Variants in ZNF385D observed in about 807,000 individuals in gnomAD.
ZNF385D encodes the protein zinc finger protein 659.
ZNF385D carries 15 observed loss-of-function variants against 35.8 expected under a neutral mutation model. That is an observed-to-expected ratio of 0.42 (90% CI 0.28 to 0.64). The LOEUF (loss-of-function observed/expected upper bound fraction) is 0.64. Among genes scored for constraint, ZNF385D ranks in the 30% least tolerant of loss-of-function variants. ZNF385D has a pLI of 0.23. For missense variants in ZNF385D, 474 were observed against 494.6 expected (o/e 0.96, Z 0.39); for synonymous variants, 212 against 186.8 (o/e 1.13, Z -1.10).
At chr3:21,964,078 T>C (rs1702745563) in intron 3 of ZNF385D, among the ~76,000 whole-genome samples, 1 of 152,122 alleles carries the variant, frequency 6.6e-6, no homozygotes, top group South Asian at 2.1e-4. Flanking sequence ...AAGGTGGTTA[T>C]CATCATTTCC....
In ZNF385D at chr3:21,824,377, T is replaced by C. The variant is rs941516879; in HGVS notation, c.326-159349A>G. On this transcript the variant is annotated intron_variant, in intron 3 of 5. Coordinates refer to the ZNF385D transcript ENST00000494108. ...ATACATGAATACAACTGTGTAACAC[T>C]ATGCATACCTATAAAATCACTTCTA... 6.6e-5 allele frequency among the ~76,000 whole-genome samples: 10 copies of C among 152,366 alleles called. No homozygotes were observed. The East Asian group carries it at 1.9e-3, about 29-fold the overall frequency.
chr3:21,561,224 C>T (rs2062934852), intron 3 of ZNF385D, among the ~76,000 whole-genome samples: 1 of 152,310 alleles, frequency 6.6e-6, no homozygotes, highest in South Asian at 2.1e-4. Flanking sequence ...AGCTTGGTTT[C>T]TGTCCAAACA....
intron 4 of ZNF385D, among the ~76,000 whole-genome samples, chr3:21,468,843 C>T (rs113303269): frequency 8.5e-4 from 130 of 152,098 alleles, no homozygotes; most frequent in African/African-American, 3.0e-3. Context: ...GCAGGGTAAT[C>T]GCTTGAACTT....
chr3:21,796,288 T>C (rs1383027435), intron 3 of ZNF385D, among the ~76,000 whole-genome samples: 1 of 152,202 alleles, frequency 6.6e-6, no homozygotes, highest in East Asian at 1.9e-4. Flanking sequence ...TAAATTGTTC[T>C]ATTAAGACCA....
At chr3:22,287,979 A>T (rs1212004685) in intron 2 of ZNF385D, among the ~76,000 whole-genome samples, 1 of 152,012 alleles carries the variant, frequency 6.6e-6, no homozygotes, top group East Asian at 1.9e-4. Flanking sequence ...TGTCTGAGAA[A>T]GTCTGTATCA....
chr3:21,578,742 A>G (rs2063567238), intron 2 of ZNF385D, among the ~76,000 whole-genome samples: 1 of 152,090 alleles, frequency 6.6e-6, no homozygotes, highest in Admixed American at 6.6e-5. Flanking sequence ...ATAGCTTTGT[A>G]GTGAATTTTG....
intron 3 of ZNF385D, among the ~76,000 whole-genome samples, chr3:21,941,654 C>T (rs940516818): frequency 2.6e-5 from 4 of 151,868 alleles, no homozygotes; most frequent in Admixed American, 6.6e-5. Flanking sequence ...CCCGCCACCA[C>T]GTCCGGATAA....
chr3:21,711,038 A>ACTTTTTTTTTTTTT (rs562190313), intron 1 of ZNF385D, among the ~76,000 whole-genome samples: 1 of 55,826 alleles, frequency 1.8e-5, no homozygotes, highest in African/African-American at 7.3e-5. Context: ...TCCCTCTAAA[A>ACTTTTTTTTTTTTT]GTTTTTTTTT....
chr3:22,328,741 A>G (rs1694791385), intron 2 of ZNF385D, among the ~76,000 whole-genome samples: 1 of 150,538 alleles, frequency 6.6e-6, no homozygotes, highest in African/African-American at 2.5e-5. Flanking sequence ...AAGCCTGGTG[A>G]CACAGCAAGA....
At chr3:21,992,659 T>C (rs148659595) in intron 3 of ZNF385D, among the ~76,000 whole-genome samples, 2 of 152,192 alleles carry the variant, frequency 1.3e-5, no homozygotes, top group African/African-American at 2.4e-5. Context: ...TTATACTATA[T>C]TGCTATCCAT....
intron 3 of ZNF385D, chr3:21,849,508 G>A (rs1696236273): frequency 6.6e-6 from 1 of 151,432 alleles, no homozygotes; most frequent in Non-Finnish European, 1.5e-5. Context: ...TTCTAACATG[G>A]GACATCACAA....
intron 3 of ZNF385D, among the ~76,000 whole-genome samples, chr3:22,024,671 G>T (rs1479818959): frequency 1.3e-5 from 2 of 152,102 alleles, no homozygotes; most frequent in Non-Finnish European, 1.5e-5. Flanking sequence ...AGAGAGTTAT[G>T]CAAAATAAAT....
intron 2 of ZNF385D, among the ~76,000 whole-genome samples, chr3:22,322,678 T>C (rs1397519633): frequency 6.6e-6 from 1 of 152,234 alleles, no homozygotes; most frequent in Non-Finnish European, 1.5e-5. Flanking sequence ...ATTATTTACA[T>C]AACATATGCA....
intron 3 of ZNF385D, among the ~76,000 whole-genome samples, chr3:21,970,640 A>G (rs1230550561): frequency 6.6e-6 from 1 of 152,114 alleles, no homozygotes; most frequent in Non-Finnish European, 1.5e-5. Flanking sequence ...TGAGGTAGAA[A>G]GATTATTCAA....
At chr3:21,886,222 T>C (rs1465891180) in intron 3 of ZNF385D, among the ~76,000 whole-genome samples, 1 of 152,096 alleles carries the variant, frequency 6.6e-6, no homozygotes, top group Non-Finnish European at 1.5e-5. Flanking sequence ...ATCCAGACTG[T>C]TTATCTTCCC....
At chr3:21,521,965 G>A (rs565308707) in intron 3 of ZNF385D, among the ~76,000 whole-genome samples, 1 of 152,218 alleles carries the variant, frequency 6.6e-6, no homozygotes, top group East Asian at 1.9e-4. Context: ...TTATGTCGAA[G>A]TATCTATGGC....
chr3:22,345,039 A>G (rs1014694159), intron 2 of ZNF385D, among the ~76,000 whole-genome samples: 16 of 152,220 alleles, frequency 1.1e-4, no homozygotes, highest in African/African-American at 3.9e-4. Context: ...TCTACAAAGC[A>G]CAGGTGTAAT....
chr3:21,881,060 T>A (rs2125863806), intron 3 of ZNF385D, among the ~76,000 whole-genome samples: 2 of 152,096 alleles, frequency 1.3e-5, no homozygotes, highest in East Asian at 3.9e-4. Flanking sequence ...AGAAGCCATG[T>A]TCATAACATA....
At chr3:21,750,206 T>G (rs890391760) in intron 1 of ZNF385D, among the ~76,000 whole-genome samples, 17 of 152,368 alleles carry the variant, frequency 1.1e-4, no homozygotes, top group African/African-American at 4.1e-4. Context: ...GCTCAACTGA[T>G]AGCTCGGATC....
Sources: gnomAD v4.1 joint callset for allele counts (sites outside exome capture counted in the v4.1 genomes callset) on GRCh38, gnomAD v4.1.1 for gene constraint, MANE v1.5 for transcripts, NCBI Gene and HGNC (gene_info 2026-07-23, HGNC 2026-07-21) for gene names.